FRMD6: variants seen among roughly 807,000 people sequenced by gnomAD.
FRMD6 encodes the protein FERM domain containing 6, also known as FERM domain-containing protein 6.
FRMD6 carries 37 observed loss-of-function variants against 73.2 expected under a neutral mutation model. That is an observed-to-expected ratio of 0.51 (90% CI 0.39 to 0.66). The LOEUF (loss-of-function observed/expected upper bound fraction) is 0.66. Ranked by LOEUF, FRMD6 falls within the 30% of genes least tolerant of loss-of-function variation. FRMD6 has a pLI of 0.00. For synonymous variants in FRMD6, 273 were observed against 282.2 expected (o/e 0.97, Z 0.33); for missense variants, 714 against 780.5 (o/e 0.91, Z 1.02).
intron 2 of FRMD6, among the ~76,000 whole-genome samples, chr14:51,603,614 T>TA (rs1890126972): frequency 6.6e-6 from 1 of 151,980 alleles, no homozygotes; most frequent in Non-Finnish European, 1.5e-5. Flanking sequence ...TTCCCTAAGG[T>TA]AAAAATGTTC....
chr14:51,549,591 C>CTTTTTTTTTTTTTTTT (rs1168905376), intron 1 of FRMD6, among the ~76,000 whole-genome samples: 3 of 93,620 alleles, frequency 3.2e-5, no homozygotes, highest in East Asian at 2.9e-4. Flanking sequence ...CTTTTTTTTT[C>CTTTTTTTTTTTTTTTT]TTTCTTTTTT....
intron 1 of FRMD6, among the ~76,000 whole-genome samples, chr14:51,687,746 CA>C (rs1468136265): frequency 6.6e-6 from 1 of 152,164 alleles, no homozygotes; most frequent in African/African-American, 2.4e-5. Context: ...ATGTTTTGAG[CA>C]CACAAATTTG....
chr14:51,580,516 C>G (rs1284114538), intron 2 of FRMD6, among the ~76,000 whole-genome samples: 1 of 152,126 alleles, frequency 6.6e-6, no homozygotes, highest in Admixed American at 6.5e-5. Flanking sequence ...ATAGTTTGCA[C>G]AAGATCACAC....
intron 1 of FRMD6, among the ~76,000 whole-genome samples, chr14:51,662,741 AT>A (rs1295687172): frequency 6.6e-6 from 1 of 152,258 alleles, no homozygotes; most frequent in African/African-American, 2.4e-5. Flanking sequence ...AATGGCAAAC[AT>A]TTACTGATGA....
chr14:51,481,960 A>G, the FRMD6 span, among the ~76,000 whole-genome samples: 1 of 152,196 alleles, frequency 6.6e-6, no homozygotes, highest in Admixed American at 6.5e-5. Context: ...GCATTTTATA[A>G]TTTATAATTA....
chr14:51,629,044 T>G (rs1231819528), intron 2 of FRMD6, among the ~76,000 whole-genome samples: 1 of 151,560 alleles, frequency 6.6e-6, no homozygotes, highest in Admixed American at 6.6e-5. Flanking sequence ...GCCCGGCTAA[T>G]TTTTTGTATT....
intron 1 of FRMD6, among the ~76,000 whole-genome samples, chr14:51,682,258 C>G (rs1284964292): frequency 6.6e-6 from 1 of 152,092 alleles, no homozygotes; most frequent in Non-Finnish European, 1.5e-5. Flanking sequence ...TTTTCAGCTA[C>G]TCAGATTTTA....
At chr14:51,458,290 T>A in the FRMD6 span, among the ~76,000 whole-genome samples, 3 of 152,240 alleles carry the variant, frequency 2.0e-5, no homozygotes, top group African/African-American at 7.2e-5. Flanking sequence ...CAATCTCTTA[T>A]CAGTCCAAGG....
intron 2 of FRMD6, among the ~76,000 whole-genome samples, chr14:51,611,702 C>T (rs1890510410): frequency 6.6e-6 from 1 of 152,212 alleles, no homozygotes; most frequent in Admixed American, 6.5e-5. Context: ...CTGGGGCTCA[C>T]ACTTGGATAC....
intron 1 of FRMD6, among the ~76,000 whole-genome samples, chr14:51,557,873 G>C (rs578261040): frequency 2.8e-4 from 43 of 151,754 alleles, no homozygotes; most frequent in Non-Finnish European, 1.8e-4. Flanking sequence ...TTACTACCTA[G>C]GTGACAAAAT....
intron 2 of FRMD6, among the ~76,000 whole-genome samples, chr14:51,697,409 G>A (rs60804718): frequency 0.012 from 1,854 of 152,202 alleles, 49 homozygotes; most frequent in African/African-American, 0.042. Context: ...AATAAGCCAG[G>A]CACAGAAAGA....
chr14:51,448,575 A>AAGTT, the FRMD6 span, among the ~76,000 whole-genome samples: 1 of 152,190 alleles, frequency 6.6e-6, no homozygotes. Context: ...GCTGAAATAT[A>AAGTT]AGTTAGTTAC....
the FRMD6 span, among the ~76,000 whole-genome samples, chr14:51,422,275 C>G: frequency 4.6e-5 from 7 of 152,118 alleles, no homozygotes; most frequent in Non-Finnish European, 8.8e-5. Flanking sequence ...TCATCATCAT[C>G]AACAGTAGCA....
the FRMD6 span, among the ~76,000 whole-genome samples, chr14:51,462,312 C>G: frequency 6.6e-6 from 1 of 152,138 alleles, no homozygotes; most frequent in Non-Finnish European, 1.5e-5. Context: ...ATACCTGCCT[C>G]GGGGGGTTGT....
At chr14:51,444,753 A>G in the FRMD6 span, among the ~76,000 whole-genome samples, 7 of 152,232 alleles carry the variant, frequency 4.6e-5, no homozygotes, top group South Asian at 1.3e-3. Context: ...GTTTTTCTAA[A>G]CTGCTTTAGC....
chr14:51,412,526 T>G, the FRMD6 span, among the ~76,000 whole-genome samples: 1 of 152,304 alleles, frequency 6.6e-6, no homozygotes, highest in East Asian at 1.9e-4. Flanking sequence ...TGCTTTTGTC[T>G]GGCTCAGTGA....
At chr14:51,523,390 C>A (rs527708419) in intron 1 of FRMD6, among the ~76,000 whole-genome samples, 1 of 152,208 alleles carries the variant, frequency 6.6e-6, no homozygotes, top group South Asian at 2.1e-4. Flanking sequence ...CCAGATGAGC[C>A]TTCCCCTTAG....
intron 2 of FRMD6, among the ~76,000 whole-genome samples, chr14:51,625,542 C>T (rs944464043): frequency 1.3e-5 from 2 of 152,046 alleles, no homozygotes; most frequent in South Asian, 4.2e-4. Flanking sequence ...GATAACTTTT[C>T]CCTGGACCCT....
intron 2 of FRMD6, among the ~76,000 whole-genome samples, chr14:51,631,429 T>G (rs963759564): frequency 6.6e-6 from 1 of 152,218 alleles, no homozygotes; most frequent in African/African-American, 2.4e-5. Context: ...TATATGGTCA[T>G]CGAAAGAGGA....
Sources: allele counts gnomAD v4.1 joint callset (sites outside exome capture counted in the v4.1 genomes callset), GRCh38; gene constraint gnomAD v4.1.1; transcripts MANE v1.5; gene names NCBI Gene and HGNC (gene_info 2026-07-23, HGNC 2026-07-21).